Variants in TMEFF2 observed in about 807,000 individuals in gnomAD.
TMEFF2 encodes the protein transmembrane protein with EGF like and two follistatin like domains 2, also known as tomoregulin-2.
Under a neutral mutation model 53.8 loss-of-function variants are expected in TMEFF2, and 28 were observed. The ratio of observed to expected loss-of-function variants is 0.52; its 90% confidence interval spans 0.39 to 0.71. The LOEUF (loss-of-function observed/expected upper bound fraction) is 0.71, where lower values mean the gene tolerates loss of function less well. Among genes scored for constraint, TMEFF2 ranks in the 30% least tolerant of loss-of-function variants. TMEFF2 has a pLI of 0.00. For synonymous variants in TMEFF2, 162 were observed against 166.3 expected, an observed-to-expected ratio of 0.97 and a Z score of 0.20; for missense variants, 353 against 455.2, an observed-to-expected ratio of 0.78 and a Z score of 2.04.
At chr2:192,028,303 C>T (rs1687024318) in intron 5 of TMEFF2, among the ~76,000 whole-genome samples, 1 of 152,128 alleles carries the variant, frequency 6.6e-6, no homozygotes, top group African/African-American at 2.4e-5. Flanking sequence ...ATGTCTTTAT[C>T]AGCAGTGTGA....
At chr2:192,132,520 C>A (rs1421172029) in intron 4 of TMEFF2, among the ~76,000 whole-genome samples, 1 of 152,040 alleles carries the variant, frequency 6.6e-6, no homozygotes, top group Admixed American at 6.6e-5. Flanking sequence ...TCAAACCCCA[C>A]AACAGGACTT....
intron 5 of TMEFF2, among the ~76,000 whole-genome samples, chr2:192,042,554 A>T (rs1463967664): frequency 6.6e-6 from 1 of 152,026 alleles, no homozygotes; most frequent in Non-Finnish European, 1.5e-5. Flanking sequence ...TCCCAAAAAC[A>T]TGTGTAGGAA....
intron 1 of TMEFF2, 64 bp from the exon 2 acceptor site, chr2:192,192,053 A>C (rs1691475087): frequency 8.6e-7 from 1 of 1,161,058 alleles, no homozygotes; most frequent in Non-Finnish European, 1.3e-6. Context: ...AAAAAAAAGC[A>C]CTACTTTGAA....
intron 5 of TMEFF2, among the ~76,000 whole-genome samples, chr2:192,039,917 C>T (rs562183330): frequency 2.0e-5 from 3 of 152,148 alleles, no homozygotes; most frequent in African/African-American, 4.8e-5. Context: ...TGTACTGGCT[C>T]ATATAACTAT....
At chr2:191,978,828 A>G (rs868293041) in intron 7 of TMEFF2, among the ~76,000 whole-genome samples, 6 of 152,076 alleles carry the variant, frequency 3.9e-5, no homozygotes, top group Admixed American at 3.3e-4. Flanking sequence ...ATTTATTAAG[A>G]TTTTTTTCTT....
At chr2:192,032,287 CT>C (rs1383628928) in intron 5 of TMEFF2, 3 of 152,088 alleles carry the variant, frequency 2.0e-5, no homozygotes, top group Admixed American at 6.6e-5. Context: ...CAGACTCAGC[CT>C]AGTGATGGTT....
intron 4 of TMEFF2, among the ~76,000 whole-genome samples, chr2:192,086,500 T>C (rs530156139): frequency 1.3e-5 from 2 of 152,162 alleles, no homozygotes; most frequent in Admixed American, 6.6e-5. Context: ...CCATCTCTTT[T>C]GTTGTGCATG....
intron 7 of TMEFF2, among the ~76,000 whole-genome samples, chr2:191,977,025 T>G (rs1229835129): frequency 6.6e-6 from 1 of 152,220 alleles, no homozygotes; most frequent in Non-Finnish European, 1.5e-5. Flanking sequence ...AAATGTGAAG[T>G]CTTTGTTTAG....
intron 2 of TMEFF2, 152 bp downstream of exon 2, chr2:192,191,728 A>T: frequency 1.7e-6 from 1 of 575,350 alleles, no homozygotes; most frequent in African/African-American, 1.9e-5. Context: ...TCTTCTTGAC[A>T]TCAGTTGGCT....
chr2:192,119,929 A>C (rs932596651), intron 4 of TMEFF2, among the ~76,000 whole-genome samples: 1 of 152,220 alleles, frequency 6.6e-6, no homozygotes, highest in Non-Finnish European at 1.5e-5. Flanking sequence ...CTGAGCCCTG[A>C]ACTTGGTCCT....
chr2:191,986,551 A>G (rs1388688595), intron 7 of TMEFF2, among the ~76,000 whole-genome samples: 1 of 124,656 alleles, frequency 8.0e-6, no homozygotes, highest in Admixed American at 1.0e-4. Context: ...TTTTGGGACA[A>G]CTATCTTTTT....
chr2:192,077,574 G>A (rs1342284338), intron 4 of TMEFF2, among the ~76,000 whole-genome samples: 1 of 151,874 alleles, frequency 6.6e-6, no homozygotes. Context: ...TTTTCTGGAT[G>A]GCTTATTAAC....
At chr2:192,150,124 A>G (rs1456147771) in intron 4 of TMEFF2, among the ~76,000 whole-genome samples, 2 of 151,976 alleles carry the variant, frequency 1.3e-5, no homozygotes. Flanking sequence ...ATTAAAATAT[A>G]ACTAACAAGT....
At chr2:192,041,196 C>T (rs765530300) in intron 5 of TMEFF2, among the ~76,000 whole-genome samples, 4 of 152,106 alleles carry the variant, frequency 2.6e-5, no homozygotes, top group Non-Finnish European at 4.4e-5. Flanking sequence ...AGAGAAACTA[C>T]CTGCAAACCA....
At chr2:191,964,694 G>A (rs577114881) in intron 7 of TMEFF2, among the ~76,000 whole-genome samples, 4 of 152,056 alleles carry the variant, frequency 2.6e-5, no homozygotes, top group South Asian at 2.1e-4. Flanking sequence ...AAACTTACAA[G>A]TGTTGTCTCT....
chr2:191,951,894 G>T (rs1163471962), intron 9 of TMEFF2, among the ~76,000 whole-genome samples: 4 of 151,966 alleles, frequency 2.6e-5, no homozygotes, highest in Non-Finnish European at 4.4e-5. Context: ...CATGGAAAAT[G>T]AGTAAGTCTA....
chr2:192,168,652 AT>A (rs1385451482), intron 4 of TMEFF2, among the ~76,000 whole-genome samples: 3 of 151,824 alleles, frequency 2.0e-5, no homozygotes, highest in Non-Finnish European at 2.9e-5. Flanking sequence ...TTATTTTTTT[AT>A]TGTTGTTGCT....
chr2:192,173,053 G>A (rs1349265707), intron 4 of TMEFF2, among the ~76,000 whole-genome samples: 1 of 151,812 alleles, frequency 6.6e-6, no homozygotes, highest in Admixed American at 6.6e-5. Context: ...TAAATAGAAG[G>A]AATAAGATCT....
intron 4 of TMEFF2, among the ~76,000 whole-genome samples, chr2:192,132,995 G>T (rs1240367058): frequency 6.6e-6 from 1 of 152,054 alleles, no homozygotes. Context: ...CAATACGGAG[G>T]CTACCCACTC....
Sources: gnomAD v4.1 joint callset for allele counts (sites outside exome capture counted in the v4.1 genomes callset) on GRCh38, gnomAD v4.1.1 for gene constraint, MANE v1.5 for transcripts, NCBI Gene and HGNC (gene_info 2026-07-23, HGNC 2026-07-21) for gene names.